The following ADGRB1 variants were observed in gnomAD, a reference collection of about 807,000 sequenced individuals.
ADGRB1 encodes the protein adhesion G protein-coupled receptor B1.
A neutral mutation model predicts 175.7 loss-of-function variants in ADGRB1; 36 were observed. The observed-to-expected ratio is 0.20, with a 90% CI of 0.16 to 0.27. The LOEUF (loss-of-function observed/expected upper bound fraction) is 0.27, where lower values mean the gene tolerates loss of function less well. Among genes scored for constraint, ADGRB1 ranks in the 10% least tolerant of loss-of-function variants. The pLI, the probability that ADGRB1 is intolerant of heterozygous loss-of-function variation, is 1.00. For synonymous variants in ADGRB1, 1,054 were observed against 979.4 expected (o/e 1.08, Z -1.42); for missense variants, 1,731 against 2,255.3 (o/e 0.77, Z 4.71).
At chr8:142,452,980 C>G (rs1257501735) in intron 1 of ADGRB1, among the ~76,000 whole-genome samples, 2 of 147,878 alleles carry the variant, frequency 1.4e-5, no homozygotes, top group African/African-American at 2.4e-5. Flanking sequence ...GCGCCTGGCC[C>G]GCGGCTCCGG....
At position 142,542,331 on chromosome 8, in the gene ADGRB1, G is replaced by A. The variant is rs1845321294; in HGVS notation, c.4097G>A (p.Ser1366Asn). 1 of 1,611,050 alleles carries A rather than the reference G, an allele frequency of 6.2e-7. No homozygotes were observed. Among genetic ancestry groups the A allele is most frequent in the Admixed American group, 1.7e-5 (1 of 59,678 alleles). ...AAGCCCAAGGAGGAGCCCAAGTACA[G>A]CATCCACATTGACCAGATGCCGCAG... The part of the protein sequence containing the change: ...RPKPKEEPKY[S>N]IHIDQMPQTR... The change falls in exon 28 of 31, where the codon AGC (serine) becomes AAC (asparagine). Residue 1366 changes from serine (S) to asparagine (N), a missense_variant. This residue lies in a region of ADGRB1 where 394 missense variants were observed against 410.2 expected (regional missense o/e 0.96). Coordinates refer to ENST00000517894, the MANE Select transcript of ADGRB1 (RefSeq NM_001702.3). The surrounding 1 kb of genome is among the most constrained non-coding windows in gnomAD (Gnocchi z 6.3).
intron 27 of ADGRB1, chr8:142,539,689 G>A (rs913444691): frequency 1.0e-4 from 57 of 561,854 alleles, no homozygotes; most frequent in Admixed American, 5.1e-4. Flanking sequence ...CTGAGCAGGT[G>A]CCTGTGGAGC....
intron 10 of ADGRB1, 55 bp from the exon 11 acceptor site, chr8:142,481,462 C>A: frequency 6.3e-7 from 1 of 1,578,894 alleles, no homozygotes; most frequent in Non-Finnish European, 8.6e-7. Context: ...TCCTGGGTGG[C>A]TGCCTGGACA....
intron 24 of ADGRB1, among the ~76,000 whole-genome samples, chr8:142,532,996 C>CA (rs1357242276): frequency 6.6e-6 from 1 of 152,036 alleles, no homozygotes; most frequent in African/African-American, 2.4e-5. Context: ...GCTGGGACCT[C>CA]AGTGTTGACG....
rs760260047 is a variant in ADGRB1 at position 142,543,617 on chromosome 8, G to A, written c.4466G>A (p.Arg1489Gln). The change falls in exon 30 of 31, where the codon CGG becomes CAG. Residue 1489 changes from arginine (R) to glutamine (Q), a missense_variant. Physicochemically the swap from Arg to Gln is conservative, Grantham distance 43. Coordinates refer to ENST00000517894, the MANE Select transcript of ADGRB1 (RefSeq NM_001702.3). This position sits in a 1 kb window ranked among gnomAD's most constrained non-coding sequence, Gnocchi z 4.4. ...CGCCTGCAGAAGATCATGCACACCCGGAAGCGGCACCAAGACATGTTCCAG... is the reference window on the plus strand; with the variant it reads ...CGCCTGCAGAAGATCATGCACACCCAGAAGCGGCACCAAGACATGTTCCAG... ...ELDFEKIMHT[R>Q]KRHQDMFQDL... 20 of 1,570,566 alleles carry A rather than the reference G, an allele frequency of 1.3e-5. No individual in the cohort carries two copies. Among genetic ancestry groups the A allele is most frequent in the South Asian group, 3.5e-5 (3 of 85,696 alleles).
chr8:142,528,875 G>A (rs1844408877), intron 24 of ADGRB1, among the ~76,000 whole-genome samples: 1 of 152,254 alleles, frequency 6.6e-6, no homozygotes, highest in South Asian at 2.1e-4. Context: ...GCAGGGCGTG[G>A]GGCCGGGCCT....
chr8:142,513,297 C>T (rs1208189242), intron 18 of ADGRB1, among the ~76,000 whole-genome samples: 1 of 152,190 alleles, frequency 6.6e-6, no homozygotes, highest in Non-Finnish European at 1.5e-5. Context: ...TCAGTTTGGG[C>T]TCTGGGCACC....
chr8:142,472,563 C>T (rs937053883), intron 2 of ADGRB1, among the ~76,000 whole-genome samples: 1 of 152,214 alleles, frequency 6.6e-6, no homozygotes, highest in Admixed American at 6.5e-5. Flanking sequence ...GGGCTCCATC[C>T]TGGCATTGAT....
At position 142,544,375 on chromosome 8, in the gene ADGRB1, G is replaced by A. The variant is rs1181439988; in HGVS notation, c.4713G>A (p.Pro1571=). ...VEWERSGATI[P]LVGQDIIDLQ... ...GGGAGAGGTCGGGCGCCACGATCCCGCTGGTGGGCCAGGACATCATCGACC... is the reference window on the plus strand; with the variant it reads ...GGGAGAGGTCGGGCGCCACGATCCCACTGGTGGGCCAGGACATCATCGACC... Residue 1571 remains proline, a synonymous_variant, in exon 31 of 31, where the codon CCG becomes CCA. Transcript: ENST00000517894. 9.1e-6 allele frequency: 14 copies of A among 1,530,448 alleles called. No individual in the cohort carries two copies. Among genetic ancestry groups the A allele is most frequent in the African/African-American group, 8.3e-5 (6 of 72,496 alleles). 94.8% of individuals were successfully genotyped at this position (1,530,448 alleles called of 1,614,324 possible). A position where few individuals can be genotyped will look rare whatever the true frequency, so the allele number is the denominator to read the frequency against.
chr8:142,507,157 A>AGG (rs1842887045), intron 17 of ADGRB1, among the ~76,000 whole-genome samples: 1 of 152,174 alleles, frequency 6.6e-6, no homozygotes, highest in Non-Finnish European at 1.5e-5. Context: ...TCAAATGATA[A>AGG]ACTGCCAGAA....
At position 142,476,659 on chromosome 8, in the gene ADGRB1, G is replaced by C; in HGVS notation, c.1021G>C (p.Glu341Gln). 3.2e-6 allele frequency: 5 copies of C among 1,547,796 alleles called. No individual in the cohort carries two copies. Among genetic ancestry groups the C allele is most frequent in the African/African-American group, 1.4e-5 (1 of 73,132 alleles). Residue 341 changes from glutamate to glutamine, a missense_variant, in exon 4 of 31, where the codon GAG (glutamate) becomes CAG (glutamine). By Grantham distance (29) the Glu-to-Gln change is conservative. This residue lies in a region of ADGRB1 where 178 missense variants were observed against 227.8 expected (regional missense o/e 0.78). Transcript: ENST00000517894. ...DARRREELGD[E>Q]LQQFGFPAPQ... is the part of the protein sequence containing the mutation. ...CCGGCGGCGCGAGGAGCTGGGGGAC[G>C]AGCTGCAGCAGTTTGGGTTCCCAGC...
chr8:142,502,889 T>C (rs888844325), intron 17 of ADGRB1, among the ~76,000 whole-genome samples: 1 of 151,870 alleles, frequency 6.6e-6, no homozygotes, highest in Non-Finnish European at 1.5e-5. Context: ...GGCATGATGC[T>C]GATGGTCGTG....
intron 1 of ADGRB1, among the ~76,000 whole-genome samples, chr8:142,456,503 A>C (rs957654584): frequency 1.3e-5 from 2 of 152,082 alleles, no homozygotes; most frequent in African/African-American, 4.8e-5. Context: ...GAACACGCAC[A>C]TTCTGTTCCC....
intron 18 of ADGRB1, among the ~76,000 whole-genome samples, chr8:142,513,193 G>A (rs922444384): frequency 5.3e-5 from 8 of 152,200 alleles, no homozygotes; most frequent in Admixed American, 3.3e-4. Context: ...CCACGGGACC[G>A]AGGGCGGGCT....
At chr8:142,535,496 A>G (rs1316473402) in intron 25 of ADGRB1, among the ~76,000 whole-genome samples, 1 of 152,156 alleles carries the variant, frequency 6.6e-6, no homozygotes, top group Non-Finnish European at 1.5e-5. Context: ...TGGGCCTGGT[A>G]GCAAGGGGCC....
chr8:142,496,313 T>C (rs1842214974), intron 17 of ADGRB1, among the ~76,000 whole-genome samples: 1 of 150,888 alleles, frequency 6.6e-6, no homozygotes, highest in Non-Finnish European at 1.5e-5. Context: ...GATGGAGGTA[T>C]GGATGGGTGG....
chr8:142,511,006 T>C lies in ADGRB1; in HGVS notation c.2750T>C (p.Leu917Pro). 7.7e-7 allele frequency: 1 copy of C among 1,302,368 alleles called. No homozygotes were observed. The allele number at this position is 1,302,368 out of a possible 1,614,324, so 80.7% of individuals were successfully genotyped here. A position where few individuals can be genotyped will look rare whatever the true frequency, so the allele number is the denominator to read the frequency against. ...RGCRTVPLDA[L>P]RTRCLCDRLS... ...TGCCGCACGGTGCCCCTCGACGCCC[T>C]CCGGACGCGCTGCCTCTGTGACCGG... Residue 917 changes from leucine (L) to proline (P), a missense_variant, in exon 18 of 31, where the codon CTC (leucine) becomes CCC (proline). Physicochemically the swap from Leu to Pro is moderately conservative, Grantham distance 98. Around this residue, in one of 8 missense-constraint regions of ADGRB1, gnomAD observed 77 missense variants for 71.6 expected, o/e 1.08. Transcript: ENST00000517894. The surrounding 1 kb of genome is among the most constrained non-coding windows in gnomAD (Gnocchi z 4.5).
intron 23 of ADGRB1, 28 bp from the exon 24 acceptor site, chr8:142,526,514 C>CCCCCCCCCCCCCCAA: frequency 1.5e-6 from 2 of 1,378,160 alleles, no homozygotes; most frequent in Non-Finnish European, 2.0e-6. Context: ...CCCCCACCCC[C>CCCCCCCCCCCCCCAA]ACACCCCCAC....
chr8:142,467,901 T>A (rs942552020), intron 2 of ADGRB1, among the ~76,000 whole-genome samples: 6 of 152,232 alleles, frequency 3.9e-5, no homozygotes, highest in African/African-American at 1.4e-4. Flanking sequence ...AATATCAATA[T>A]GCTCGCGTAT....
Sources: gnomAD v4.1 joint callset for allele counts (sites outside exome capture counted in the v4.1 genomes callset) on GRCh38, gnomAD v4.1.1 for gene constraint, gnomAD v4.1.1 regional missense constraint, Gnocchi (gnomAD v3.1) non-coding constraint, MANE v1.5 for transcripts, NCBI Gene and HGNC (gene_info 2026-07-23, HGNC 2026-07-21) for gene names.